METAP1D: variants seen among roughly 807,000 people sequenced by gnomAD.
METAP1D encodes the protein methionyl aminopeptidase type 1D, mitochondrial, also known as methionine aminopeptidase 1D, mitochondrial.
METAP1D carries 31 observed loss-of-function variants against 40.5 expected under a neutral mutation model. The ratio of observed to expected loss-of-function variants is 0.77; its 90% CI spans 0.58 to 1.03. METAP1D has a LOEUF of 1.03. Among genes scored for constraint, METAP1D ranks in the 50% least tolerant of loss-of-function variants. METAP1D has a pLI of 0.00. For synonymous variants in METAP1D, 151 were observed against 146.4 expected, an observed-to-expected ratio of 1.03 and a Z score of -0.22; for missense variants, 411 against 420.7, an observed-to-expected ratio of 0.98 and a Z score of 0.20.
intron 9 of METAP1D, 59 bp from the exon 10 acceptor site, chr2:172,080,269 C>A: frequency 6.2e-7 from 1 of 1,613,732 alleles, no homozygotes; most frequent in East Asian, 2.2e-5. Context: ...TCCGACGGCG[C>A]GCTTGTGGCC....
chr2:172,003,464 C>A (rs1400271903), intron 1 of METAP1D, among the ~76,000 whole-genome samples: 1 of 152,154 alleles, frequency 6.6e-6, no homozygotes, highest in Non-Finnish European at 1.5e-5. Flanking sequence ...AGGGCAGGAC[C>A]AGGTAGAGGT....
chr2:172,003,157 A>C (rs1329510605), intron 1 of METAP1D, among the ~76,000 whole-genome samples: 1 of 152,216 alleles, frequency 6.6e-6, no homozygotes, highest in African/African-American at 2.4e-5. Flanking sequence ...AGAAACTATG[A>C]GTAGTGACAT....
chr2:172,080,551 G>C lies in METAP1D; in HGVS notation c.*145G>C. ...TGATAGCGTTTGGAAGAACGCGGGG[G>C]AGACTGAAGAGCAACTGGGAACTCG... On this transcript the variant is annotated 3_prime_UTR_variant, in exon 10 of 10. Transcript: ENST00000315796. 1.3e-6 allele frequency: 1 copy of C among 786,412 alleles called. No homozygotes were observed. Among genetic ancestry groups the C allele is most frequent in the Non-Finnish European group, 2.1e-6 (1 of 483,836 alleles). 48.7% of individuals were successfully genotyped at this position (786,412 alleles called of 1,614,324 possible). A position where few individuals can be genotyped will look rare whatever the true frequency, so the allele number is the denominator to read the frequency against.
chr2:172,032,558 C>T (rs145678464), intron 1 of METAP1D, among the ~76,000 whole-genome samples: 6 of 152,282 alleles, frequency 3.9e-5, no homozygotes, highest in African/African-American at 1.4e-4. Flanking sequence ...GGAACTGAAC[C>T]TCAGGATGAC....
rs769167582 is a variant in METAP1D, at chr2:172,077,987, T to G, written c.802+93T>G. On this transcript the variant is annotated intron_variant, in intron 7 of 9. Transcript: ENST00000315796. ...CTCTTCCTCTGACTTTGAATCTGCATTATCAACCTTGTGTTTGTGTGTGTG... is the reference window on the plus strand; with the variant it reads ...CTCTTCCTCTGACTTTGAATCTGCAGTATCAACCTTGTGTTTGTGTGTGTG... The G allele has an allele frequency of 5.1e-4, 349 of 682,934 alleles. No individual in the cohort carries two copies. In the Middle Eastern group the frequency reaches 7.4e-3, roughly 15 times the overall value. The allele number at this position is 682,934 out of a possible 1,614,324, so 42.3% of individuals were successfully genotyped here. A position where few individuals can be genotyped will look rare whatever the true frequency, so the allele number is the denominator to read the frequency against.
At chr2:172,067,919 C>G (rs1336803522) in intron 5 of METAP1D, among the ~76,000 whole-genome samples, 1 of 152,124 alleles carries the variant, frequency 6.6e-6, no homozygotes, top group Non-Finnish European at 1.5e-5. Flanking sequence ...GTGAAGGACT[C>G]CATTATCAGA....
Position 172,044,584 on chromosome 2 carries a change from ACT to A in METAP1D, c.41-16911_41-16910del, listed in dbSNP as rs1689692925. Among the ~76,000 whole-genome samples the A allele has an allele frequency of 1.6e-5, 2 of 128,984 alleles. 1 individual carries two copies. The highest frequency in any genetic ancestry group is 5.1e-4 in the South Asian group (2 of 3,924). 84.6% of individuals were successfully genotyped at this position (128,984 alleles called of 152,430 possible). A position where few individuals can be genotyped will look rare whatever the true frequency, so the allele number is the denominator to read the frequency against. On this transcript the variant is annotated intron_variant, in intron 1 of 9. Transcript: ENST00000315796. ...CACTCCAGCTTGGTGATAGAGCGAGACTCTGTCTAAAAAATAAAAATAAAATA... is the reference window on the plus strand; with the variant it reads ...CACTCCAGCTTGGTGATAGAGCGAGACTGTCTAAAAAATAAAAATAAAATA...
At chr2:172,039,309 A>G (rs1214488218) in intron 1 of METAP1D, among the ~76,000 whole-genome samples, 2 of 152,196 alleles carry the variant, frequency 1.3e-5, no homozygotes, top group African/African-American at 4.8e-5. Context: ...GAAATAATTA[A>G]GTGTCCAGAC....
At chr2:172,028,745 G>C (rs1689177082) in intron 1 of METAP1D, among the ~76,000 whole-genome samples, 1 of 152,092 alleles carries the variant, frequency 6.6e-6, no homozygotes, top group Non-Finnish European at 1.5e-5. Context: ...AAAATGTGAA[G>C]CTGTGATGGA....
chr2:172,054,520 C>CT (rs1689959733), intron 1 of METAP1D, among the ~76,000 whole-genome samples: 2 of 80,958 alleles, frequency 2.5e-5, no homozygotes, highest in South Asian at 4.0e-4. Context: ...GACTCTGTCT[C>CT]AAAATAAATA....
intron 1 of METAP1D, among the ~76,000 whole-genome samples, chr2:172,055,628 T>G (rs1689986164): frequency 6.6e-6 from 1 of 152,196 alleles, no homozygotes; most frequent in Non-Finnish European, 1.5e-5. Flanking sequence ...TTATTTCTAA[T>G]AAAAAGATGG....
chr2:172,048,934 GT>G (rs548468423), intron 1 of METAP1D, among the ~76,000 whole-genome samples: 1 of 152,060 alleles, frequency 6.6e-6, no homozygotes, highest in Non-Finnish European at 1.5e-5. Flanking sequence ...AAGAGTACAT[GT>G]TTTTTTGGTG....
At chr2:172,032,818 G>A (rs555289115) in intron 1 of METAP1D, among the ~76,000 whole-genome samples, 105 of 152,232 alleles carry the variant, frequency 6.9e-4, no homozygotes, top group African/African-American at 2.5e-3. Context: ...ATCCCAACAC[G>A]TTGGGAGGCC....
chr2:172,028,050 A>G (rs529528854), intron 1 of METAP1D, among the ~76,000 whole-genome samples: 1 of 152,332 alleles, frequency 6.6e-6, no homozygotes, highest in Non-Finnish European at 1.5e-5. Flanking sequence ...CGGAGTTGCC[A>G]TTCTGATGGG....
chr2:172,074,567 A>G (rs752680915), intron 6 of METAP1D, among the ~76,000 whole-genome samples: 4 of 152,202 alleles, frequency 2.6e-5, no homozygotes, highest in Non-Finnish European at 5.9e-5. Flanking sequence ...GTTCAGCACT[A>G]TTGTAAGAAA....
At chr2:172,021,649 G>C (rs1689010780) in intron 1 of METAP1D, 1 of 152,274 alleles carries the variant, frequency 6.6e-6, no homozygotes, top group Non-Finnish European at 1.5e-5. Context: ...AGACAGAGAA[G>C]AGCGGCTCAG....
Position 172,071,092 on chromosome 2 carries a change from A to G in METAP1D, c.704+22A>G, listed in dbSNP as rs1690413107. The G allele has an allele frequency of 1.6e-5, 25 of 1,582,280 alleles. No individual in the cohort carries two copies. The East Asian group carries it at 5.4e-4, about 34-fold the overall frequency. Reference sequence around the variant, plus strand: ...TCAGGTAAGCCTTACATTGACAAGTAAAGGGAGGGTTGGCAAATGGTACAA... The same window carrying G: ...TCAGGTAAGCCTTACATTGACAAGTGAAGGGAGGGTTGGCAAATGGTACAA... On this transcript the variant is annotated intron_variant, in intron 6 of 9. Coordinates refer to ENST00000315796, the MANE Select transcript of METAP1D (RefSeq NM_199227.3).
intron 1 of METAP1D, among the ~76,000 whole-genome samples, chr2:172,026,630 G>C (rs1689126058): frequency 6.6e-6 from 1 of 152,186 alleles, no homozygotes; most frequent in South Asian, 2.1e-4. Flanking sequence ...GTAGAAACCA[G>C]AAAGGCTTTC....
intron 1 of METAP1D, among the ~76,000 whole-genome samples, chr2:172,028,040 C>T (rs1187408466): frequency 6.6e-6 from 1 of 152,096 alleles, no homozygotes; most frequent in African/African-American, 2.4e-5. Flanking sequence ...TCAGACCTCA[C>T]GGAGTTGCCA....
Sources: allele counts gnomAD v4.1 joint callset (sites outside exome capture counted in the v4.1 genomes callset), GRCh38; gene constraint gnomAD v4.1.1; transcripts MANE v1.5; gene names NCBI Gene and HGNC (gene_info 2026-07-23, HGNC 2026-07-21).